The following ALK variants were observed in gnomAD, a reference collection of about 807,000 sequenced individuals.
The protein encoded by ALK is ALK tyrosine kinase receptor.
In ALK, 74 loss-of-function variants were observed where a neutral mutation model predicts 163.1. The observed-to-expected ratio is 0.45, with a 90% CI of 0.38 to 0.55. The LOEUF (loss-of-function observed/expected upper bound fraction) is 0.55. Ranked by LOEUF, ALK falls within the 20% of genes least tolerant of loss-of-function variation. The pLI is 0.00. For missense variants in ALK, 2,063 were observed against 2,105.3 expected (o/e 0.98, Z 0.39); for synonymous variants, 960 against 843.2 (o/e 1.14, Z -2.40).
At chr2:29,232,996 C>T (rs1309339354) in intron 14 of ALK, among the ~76,000 whole-genome samples, 1 of 152,208 alleles carries the variant, frequency 6.6e-6, no homozygotes, top group Non-Finnish European at 1.5e-5. Flanking sequence ...TCCAGGAGGG[C>T]ACAGTGGGAC....
intron 1 of ALK, among the ~76,000 whole-genome samples, chr2:29,733,347 C>T (rs1304026202): frequency 6.6e-6 from 1 of 152,128 alleles, no homozygotes; most frequent in Admixed American, 6.5e-5. Context: ...AAAGGGGCTG[C>T]AAACTAGATT....
chr2:29,640,213 C>T (rs146134004), intron 3 of ALK, among the ~76,000 whole-genome samples: 2 of 152,098 alleles, frequency 1.3e-5, no homozygotes, highest in East Asian at 1.9e-4. Flanking sequence ...TACTATGTGC[C>T]GGGTGATACA....
intron 1 of ALK, among the ~76,000 whole-genome samples, chr2:29,875,555 GT>G (rs1666682482): frequency 6.6e-6 from 1 of 152,030 alleles, no homozygotes; most frequent in Non-Finnish European, 1.5e-5. Context: ...CATGCATTAG[GT>G]ATTTCTCCTA....
chr2:29,336,716 C>T (rs1043511816), intron 5 of ALK, among the ~76,000 whole-genome samples: 57 of 152,234 alleles, frequency 3.7e-4, no homozygotes, highest in African/African-American at 1.3e-3. Flanking sequence ...CACAACTCTC[C>T]TAACGCAAAT....
chr2:29,812,902 C>T (rs1015195666), intron 1 of ALK, among the ~76,000 whole-genome samples: 1 of 152,184 alleles, frequency 6.6e-6, no homozygotes, highest in African/African-American at 2.4e-5. Context: ...TGTTCAAGTT[C>T]ACACACACAT....
intron 4 of ALK, among the ~76,000 whole-genome samples, chr2:29,399,074 A>G (rs930455583): frequency 6.6e-6 from 1 of 152,166 alleles, no homozygotes; most frequent in Non-Finnish European, 1.5e-5. Flanking sequence ...GGTGCTTGTT[A>G]CACTGACATT....
At chr2:29,909,771 T>A (rs1667651042) in intron 1 of ALK, among the ~76,000 whole-genome samples, 1 of 152,084 alleles carries the variant, frequency 6.6e-6, no homozygotes, top group African/African-American at 2.4e-5. Context: ...TGATGGAGAC[T>A]CCAGAAAGGC....
At chr2:29,474,574 C>T (rs545103075) in intron 4 of ALK, among the ~76,000 whole-genome samples, 5 of 152,298 alleles carry the variant, frequency 3.3e-5, no homozygotes, top group African/African-American at 9.6e-5. Flanking sequence ...TTTTTCCAAA[C>T]GCCAAAGTTG....
intron 1 of ALK, among the ~76,000 whole-genome samples, chr2:29,850,148 T>C (rs115167869): frequency 0.02 from 2,968 of 152,130 alleles, 87 homozygotes; most frequent in African/African-American, 0.069. Flanking sequence ...CACACAGCAA[T>C]GAGGATGAAT....
intron 1 of ALK, among the ~76,000 whole-genome samples, chr2:29,752,299 G>A (rs927931621): frequency 6.6e-6 from 1 of 151,692 alleles, no homozygotes; most frequent in Non-Finnish European, 1.5e-5. Flanking sequence ...TATGATGTTT[G>A]GTAGCTTACG....
chr2:29,296,205 TCA>T, intron 9 of ALK, among the ~76,000 whole-genome samples: 1 of 152,300 alleles, frequency 6.6e-6, no homozygotes, highest in African/African-American at 2.4e-5. Flanking sequence ...TTGCTCAAAG[TCA>T]CAGAGGCCAT....
At chr2:29,586,381 C>T (rs569488791) in intron 3 of ALK, among the ~76,000 whole-genome samples, 7 of 151,876 alleles carry the variant, frequency 4.6e-5, no homozygotes, top group African/African-American at 1.2e-4. Context: ...GTAATCATCT[C>T]GACAGATTTG....
chr2:29,517,389 A>G (rs201339319), intron 4 of ALK, among the ~76,000 whole-genome samples: 1 of 152,152 alleles, frequency 6.6e-6, no homozygotes, highest in East Asian at 1.9e-4. Context: ...ATATTAAAAT[A>G]GACGGAATAG....
At chr2:29,899,123 G>A (rs1044044972) in intron 1 of ALK, among the ~76,000 whole-genome samples, 1 of 152,142 alleles carries the variant, frequency 6.6e-6, no homozygotes, top group African/African-American at 2.4e-5. Flanking sequence ...CCGACCTACT[G>A]AATGAGAAAC....
chr2:29,649,804 A>T (rs748138767), intron 3 of ALK, among the ~76,000 whole-genome samples: 1 of 152,032 alleles, frequency 6.6e-6, no homozygotes, highest in Non-Finnish European at 1.5e-5. Context: ...TCTCTCCTTC[A>T]GTTGACTCAC....
chr2:29,338,598 C>G (rs1331586474), intron 5 of ALK, among the ~76,000 whole-genome samples: 1 of 152,224 alleles, frequency 6.6e-6, no homozygotes, highest in East Asian at 1.9e-4. Context: ...CTCTGGGGTG[C>G]TGATGCATAC....
chr2:29,801,402 T>A (rs753294196), intron 1 of ALK, among the ~76,000 whole-genome samples: 10 of 152,208 alleles, frequency 6.6e-5, no homozygotes, highest in Non-Finnish European at 1.5e-4. Flanking sequence ...AAAAAACAGA[T>A]GAGCATTCTA....
intron 1 of ALK, among the ~76,000 whole-genome samples, chr2:29,867,602 A>G (rs1666467772): frequency 6.6e-6 from 1 of 152,146 alleles, no homozygotes. Context: ...TTATGAGGAA[A>G]TGGAAGCCCA....
intron 1 of ALK, among the ~76,000 whole-genome samples, chr2:29,899,291 G>C (rs2148429659): frequency 6.6e-6 from 1 of 152,328 alleles, no homozygotes; most frequent in Non-Finnish European, 1.5e-5. Context: ...AGGAAATCCA[G>C]TGAGGGCCTT....
Sources: gnomAD v4.1 joint callset for allele counts (sites outside exome capture counted in the v4.1 genomes callset) on GRCh38, gnomAD v4.1.1 for gene constraint, MANE v1.5 for transcripts, NCBI Gene and HGNC (gene_info 2026-07-23, HGNC 2026-07-21) for gene names.